Variants in CADPS2 observed in about 807,000 individuals in gnomAD.
The protein encoded by CADPS2 is calcium-dependent secretion activator 2.
CADPS2 carries 93 observed loss-of-function variants against 172.5 expected under a neutral mutation model. That is an observed-to-expected ratio of 0.54 (90% CI 0.46 to 0.64). CADPS2 has a LOEUF of 0.64. Among genes scored for constraint, CADPS2 ranks in the 30% least tolerant of loss-of-function variants. The pLI, the probability that CADPS2 is intolerant of heterozygous loss-of-function variation, is 0.00. For missense variants in CADPS2, 1,420 were observed against 1,565.9 expected (o/e 0.91, Z 1.57); for synonymous variants, 546 against 555.2 (o/e 0.98, Z 0.23).
At chr7:122,771,901 A>C (rs978161234) in intron 1 of CADPS2, among the ~76,000 whole-genome samples, 3 of 152,226 alleles carry the variant, frequency 2.0e-5, no homozygotes, top group Non-Finnish European at 4.4e-5. Context: ...ATTTAACTTT[A>C]ACAATTGAAC....
rs1304185657 is a variant in CADPS2 at position 122,319,076 on chromosome 7, C to T, written c.*1089G>A. ...AGAGAACCACTAATAATGTGAATTA[C>T]TAGTTAATATTACTAACATTACTAA... On this transcript the variant is annotated 3_prime_UTR_variant, in exon 30 of 30. Transcript: ENST00000449022. The T allele has an allele frequency of 1.3e-5, 2 of 152,082 alleles. No homozygotes were observed. The highest frequency in any genetic ancestry group is 1.5e-5 in the Non-Finnish European group (1 of 68,014). The allele number at this position is 152,082 out of a possible 1,614,324, so 9.4% of individuals were successfully genotyped here. A position where few individuals can be genotyped will look rare whatever the true frequency, so the allele number is the denominator to read the frequency against.
rs897240691 is a variant in CADPS2 at position 122,672,807 on chromosome 7, A to G, written c.454-9238T>C. ...ATTCAGTGTGGCGTTTAGTAACCTC[A>G]CGTCGGAAAACTATGACATACCACT... On this transcript the variant is annotated intron_variant, in intron 2 of 29. Transcript: ENST00000449022. 2.0e-5 allele frequency among the ~76,000 whole-genome samples: 3 copies of G among 152,182 alleles called. No individual in the cohort carries two copies. In the East Asian group the frequency reaches 5.8e-4, roughly 29 times the overall value.
rs2052092268 is a variant in CADPS2, at chr7:122,445,754, G to T, written c.2289-4179C>A. On this transcript the variant is annotated intron_variant, in intron 15 of 29. Transcript: ENST00000449022. Reference sequence around the variant, plus strand: ...CGCTTGAGCCTGGGAAGTTGAGGCTGCAGTGAGCAGTGATCACACCTCTGC... The same window carrying T: ...CGCTTGAGCCTGGGAAGTTGAGGCTTCAGTGAGCAGTGATCACACCTCTGC... Among the ~76,000 whole-genome samples, 2 of 152,144 alleles carry T rather than the reference G, an allele frequency of 1.3e-5. 1 individual carries two copies. The highest frequency in any genetic ancestry group is 4.1e-4 in the South Asian group (2 of 4,834).
intron 25 of CADPS2, among the ~76,000 whole-genome samples, chr7:122,361,549 A>T (rs1047373719): frequency 1.1e-4 from 17 of 152,124 alleles, no homozygotes; most frequent in East Asian, 5.8e-4. Flanking sequence ...CACAATTTTT[A>T]AAAAAATAAA....
intron 2 of CADPS2, among the ~76,000 whole-genome samples, chr7:122,713,321 A>G (rs113611370): frequency 6.6e-6 from 1 of 152,054 alleles, no homozygotes; most frequent in Non-Finnish European, 1.5e-5. Flanking sequence ...ACTTAACACT[A>G]GCTCTACAAC....
At chr7:122,388,817 T>C in intron 22 of CADPS2, 79 bp from the exon 23 acceptor site, 1 of 1,251,660 alleles carries the variant, frequency 8.0e-7, no homozygotes, top group Non-Finnish European at 1.1e-6. Flanking sequence ...TTTTCTTTTC[T>C]GCATCAATTG....
chr7:122,431,633 C>T (rs928517605), intron 17 of CADPS2, among the ~76,000 whole-genome samples: 1 of 152,182 alleles, frequency 6.6e-6, no homozygotes, highest in Non-Finnish European at 1.5e-5. Context: ...GGACTGTAGA[C>T]ACACTACATA....
At chr7:122,537,014 T>A (rs189440660) in intron 8 of CADPS2, among the ~76,000 whole-genome samples, 1 of 151,928 alleles carries the variant, frequency 6.6e-6, no homozygotes, top group African/African-American at 2.4e-5. Flanking sequence ...ATACTGAGAC[T>A]TTTTTGAGGG....
chr7:122,808,768 G>A lies in CADPS2; in HGVS notation c.340-71700C>T, dbSNP rs1239271088. On this transcript the variant is annotated intron_variant, in intron 1 of 29. Transcript: ENST00000449022. Reference sequence around the variant, plus strand: ...TGAATTTCTGGAAAGCCTTATTTCAGGACTTTTATCTTGGTCCTAGGAATG... The same window carrying A: ...TGAATTTCTGGAAAGCCTTATTTCAAGACTTTTATCTTGGTCCTAGGAATG... Among the ~76,000 whole-genome samples, 3 of 151,990 alleles carry A rather than the reference G, an allele frequency of 2.0e-5. No individual in the cohort carries two copies. The East Asian group carries it at 5.8e-4, about 29-fold the overall frequency.
chr7:122,498,759 GT>G (rs1167041184), intron 9 of CADPS2, among the ~76,000 whole-genome samples: 1 of 151,674 alleles, frequency 6.6e-6, no homozygotes, highest in African/African-American at 2.4e-5. Context: ...TTTTGTTATT[GT>G]TTTTTATTAT....
intron 2 of CADPS2, among the ~76,000 whole-genome samples, chr7:122,674,663 G>A (rs2082220284): frequency 6.6e-6 from 1 of 152,166 alleles, no homozygotes; most frequent in Non-Finnish European, 1.5e-5. Context: ...ACACATTGCT[G>A]TTGATTTGAA....
At chr7:122,783,061 A>T (rs937360431) in intron 1 of CADPS2, among the ~76,000 whole-genome samples, 1 of 152,014 alleles carries the variant, frequency 6.6e-6, no homozygotes, top group African/African-American at 2.4e-5. Context: ...AAATACAAAA[A>T]ATTAGCCGGG....
chr7:122,813,129 T>C (rs12706452), intron 1 of CADPS2, among the ~76,000 whole-genome samples: 3,920 of 145,364 alleles, frequency 0.027, 114 homozygotes, highest in Non-Finnish European at 0.039. Flanking sequence ...GAAAAAAAAG[T>C]TTTTAAAAAG....
At chr7:122,845,034 G>A (rs759424199) in intron 1 of CADPS2, among the ~76,000 whole-genome samples, 77 of 152,162 alleles carry the variant, frequency 5.1e-4, no homozygotes, top group Non-Finnish European at 1.2e-4. Flanking sequence ...TTCAAATAAG[G>A]CTTCCTAGTC....
chr7:122,870,896 C>T (rs1819583252), intron 1 of CADPS2, among the ~76,000 whole-genome samples: 1 of 151,924 alleles, frequency 6.6e-6, no homozygotes, highest in African/African-American at 2.4e-5. Flanking sequence ...GAACATTTTT[C>T]CCTGAATGTA....
chr7:122,703,238 C>T (rs142716487), intron 2 of CADPS2, among the ~76,000 whole-genome samples: 364 of 152,188 alleles, frequency 2.4e-3, no homozygotes, highest in Middle Eastern at 6.8e-3. Context: ...AGCTGTAAGG[C>T]AAAGGCAAAG....
At chr7:122,404,813 A>G (rs1321424699) in intron 20 of CADPS2, among the ~76,000 whole-genome samples, 1 of 152,172 alleles carries the variant, frequency 6.6e-6, no homozygotes, top group Non-Finnish European at 1.5e-5. Flanking sequence ...ATTCAAATAG[A>G]GAAAACAGTG....
intron 1 of CADPS2, among the ~76,000 whole-genome samples, chr7:122,812,349 T>C (rs1231966907): frequency 7.1e-6 from 1 of 141,694 alleles, no homozygotes; most frequent in Non-Finnish European, 1.6e-5. Flanking sequence ...AGAAAACAAA[T>C]ATAAAAAAAT....
intron 1 of CADPS2, among the ~76,000 whole-genome samples, chr7:122,802,392 T>C (rs572560618): frequency 2.6e-5 from 4 of 152,324 alleles, no homozygotes; most frequent in Non-Finnish European, 5.9e-5. Flanking sequence ...CTGCGTCACA[T>C]GCTGTGTACC....
Sources: allele counts gnomAD v4.1 joint callset (sites outside exome capture counted in the v4.1 genomes callset), GRCh38; gene constraint gnomAD v4.1.1; transcripts MANE v1.5; gene names NCBI Gene and HGNC (gene_info 2026-07-23, HGNC 2026-07-21).